TMEM123: variants seen among roughly 807,000 people sequenced by gnomAD.
TMEM123 encodes the protein porimin.
TMEM123 carries 16 observed loss-of-function variants against 19.7 expected under a neutral mutation model. That is an observed-to-expected ratio of 0.81 (90% confidence interval 0.55 to 1.23). The LOEUF is 1.23. Ranked by LOEUF, TMEM123 falls within the 50% of genes most tolerant of loss-of-function variation. The probability of loss-of-function intolerance (pLI) is 0.00; values close to 1 mark genes in which losing one functional copy is unlikely to be tolerated. For synonymous variants in TMEM123, 118 were observed against 99.4 expected (o/e 1.19, Z -1.12); for missense variants, 313 against 257.8 (o/e 1.21, Z -1.47).
At chr11:102,440,870 C>CA (rs546830287) in intron 2 of TMEM123, among the ~76,000 whole-genome samples, 21 of 151,330 alleles carry the variant, frequency 1.4e-4, no homozygotes, top group South Asian at 2.1e-4. Flanking sequence ...AAATGGAAAA[C>CA]AAAAAAAAGC....
intron 1 of TMEM123, among the ~76,000 whole-genome samples, chr11:102,450,046 A>G (rs1203460340): frequency 1.3e-5 from 2 of 152,136 alleles, no homozygotes; most frequent in Non-Finnish European, 2.9e-5. Flanking sequence ...CCAAGAGGTC[A>G]TCCTTTGATT....
intron 2 of TMEM123, among the ~76,000 whole-genome samples, chr11:102,409,890 C>A (rs1333103351): frequency 2.8e-5 from 4 of 144,712 alleles, no homozygotes; most frequent in Admixed American, 2.8e-4. Flanking sequence ...CTAGATAAAT[C>A]TAGATTCAAA....
intron 1 of TMEM123, chr11:102,449,503 G>T (rs1038896610): frequency 1.3e-5 from 2 of 152,126 alleles, no homozygotes; most frequent in East Asian, 3.9e-4. Flanking sequence ...TAGGGAGAGA[G>T]CAAGTGTATT....
chr11:102,412,519 TA>T (rs1952013941), intron 2 of TMEM123, among the ~76,000 whole-genome samples: 2 of 152,040 alleles, frequency 1.3e-5, no homozygotes, highest in Admixed American at 1.3e-4. Context: ...AACTTAAATA[TA>T]AGATATAGAA....
chr11:102,402,244 G>T, intron 2 of TMEM123, 38 bp from the exon 3 acceptor site: 1 of 1,591,462 alleles, frequency 6.3e-7, no homozygotes, highest in South Asian at 1.1e-5. Flanking sequence ...CCAGAGCTAT[G>T]ATTTAGGGAA....
At chr11:102,447,806 C>A (rs896393416) in intron 2 of TMEM123, among the ~76,000 whole-genome samples, 1 of 152,066 alleles carries the variant, frequency 6.6e-6, no homozygotes, top group African/African-American at 2.4e-5. Context: ...CCACCAGACA[C>A]CAGTCAAAAA....
chr11:102,407,064 G>T (rs1042649505), intron 2 of TMEM123, among the ~76,000 whole-genome samples: 21 of 152,106 alleles, frequency 1.4e-4, no homozygotes, highest in Admixed American at 1.3e-4. Context: ...CCATCCAGAG[G>T]GCACCTGTGC....
At chr11:102,433,169 A>T (rs1444808834) in intron 2 of TMEM123, among the ~76,000 whole-genome samples, 1 of 151,912 alleles carries the variant, frequency 6.6e-6, no homozygotes, top group Non-Finnish European at 1.5e-5. Context: ...AGCCCCCAGA[A>T]TGGTAGACCC....
intron 2 of TMEM123, among the ~76,000 whole-genome samples, chr11:102,448,004 A>G (rs989986318): frequency 1.6e-4 from 25 of 152,348 alleles, no homozygotes; most frequent in African/African-American, 6.0e-4. Context: ...TTTTGCCACA[A>G]AATAAAAAAC....
rs1194169815 is a variant in TMEM123 at position 102,436,602 on chromosome 11, C to G, written c.157+12210G>C. On this transcript the variant is annotated intron_variant, in intron 2 of 4. Coordinates refer to ENST00000398136, the MANE Select transcript of TMEM123 (RefSeq NM_052932.3). ...AAGAGATGAAGAGCCATGCAGTTAA[C>G]GTTCAGTACCAATTATTGTTTAACT... 2.0e-5 allele frequency among the ~76,000 whole-genome samples: 3 copies of G among 152,026 alleles called. No homozygotes were observed. In the East Asian group the frequency reaches 5.8e-4, roughly 29 times the overall value.
At chr11:102,408,101 GTCAA>G (rs1341455164) in intron 2 of TMEM123, among the ~76,000 whole-genome samples, 3 of 152,110 alleles carry the variant, frequency 2.0e-5, no homozygotes, top group Non-Finnish European at 2.9e-5. Flanking sequence ...ATCTATAGAT[GTCAA>G]TCAGAGATAT....
rs1483129251 is a variant in TMEM123, at chr11:102,431,900, G to A, written c.157+16912C>T. On this transcript the variant is annotated intron_variant, in intron 2 of 4. Coordinates refer to ENST00000398136, the MANE Select transcript of TMEM123 (RefSeq NM_052932.3). ...AGATCTGATGGTTTTTTAAGCGTCT[G>A]GCATCTCCCTGCTGGCACTTTCTCT... Among the ~76,000 whole-genome samples, 7 of 152,260 alleles carry A rather than the reference G, an allele frequency of 4.6e-5. No individual in the cohort carries two copies. The East Asian group carries it at 1.2e-3, about 25-fold the overall frequency.
At chr11:102,441,637 G>A (rs1433426054) in intron 2 of TMEM123, among the ~76,000 whole-genome samples, 3 of 151,604 alleles carry the variant, frequency 2.0e-5, no homozygotes, top group Non-Finnish European at 4.4e-5. Context: ...AAAAGAACTA[G>A]AGAAGCAAGA....
chr11:102,440,898 T>A (rs918242486), intron 2 of TMEM123, among the ~76,000 whole-genome samples: 1 of 152,078 alleles, frequency 6.6e-6, no homozygotes, highest in Non-Finnish European at 1.5e-5. Flanking sequence ...GCAATCCTAG[T>A]CTCTGATAAA....
At chr11:102,416,990 C>G (rs12270893) in intron 2 of TMEM123, among the ~76,000 whole-genome samples, 1,857 of 152,032 alleles carry the variant, frequency 0.012, 37 homozygotes, top group African/African-American at 0.042. Context: ...AGAAACATAC[C>G]TCAAAATAAT....
At chr11:102,408,138 T>C (rs1951971539) in intron 2 of TMEM123, among the ~76,000 whole-genome samples, 1 of 152,196 alleles carries the variant, frequency 6.6e-6, no homozygotes, top group South Asian at 2.1e-4. Flanking sequence ...ATTTAACTCC[T>C]GGTTTCAACT....
intron 1 of TMEM123, among the ~76,000 whole-genome samples, chr11:102,451,769 C>G (rs550470178): frequency 7.9e-5 from 12 of 152,354 alleles, no homozygotes; most frequent in African/African-American, 2.9e-4. Flanking sequence ...CCGCCCTACA[C>G]AGAAAAGCAA....
chr11:102,409,915 AAG>A (rs1460623014), intron 2 of TMEM123, among the ~76,000 whole-genome samples: 2 of 151,924 alleles, frequency 1.3e-5, no homozygotes, highest in East Asian at 1.9e-4. Context: ...AAAAAAATCT[AAG>A]AGAAAACTGA....
intron 2 of TMEM123, among the ~76,000 whole-genome samples, chr11:102,416,073 C>T (rs955771411): frequency 1.3e-4 from 20 of 152,100 alleles, no homozygotes; most frequent in Non-Finnish European, 2.6e-4. Context: ...TGCCACCACA[C>T]CCAGCTAATT....
Sources: gnomAD v4.1 joint callset for allele counts (sites outside exome capture counted in the v4.1 genomes callset) on GRCh38, gnomAD v4.1.1 for gene constraint, MANE v1.5 for transcripts, NCBI Gene and HGNC (gene_info 2026-07-23, HGNC 2026-07-21) for gene names.